Variants in ADAMTS6 observed in about 807,000 individuals in gnomAD.
ADAMTS6 encodes the protein A disintegrin and metalloproteinase with thrombospondin motifs 6.
In ADAMTS6, 23 loss-of-function variants were observed where a neutral mutation model predicts 144.3. That is an observed-to-expected ratio of 0.16 (90% CI 0.11 to 0.23). The LOEUF (loss-of-function observed/expected upper bound fraction) is 0.23. Ranked by LOEUF, ADAMTS6 falls within the 10% of genes least tolerant of loss-of-function variation. The probability of loss-of-function intolerance (pLI) is 1.00; values close to 1 mark genes in which losing one functional copy is unlikely to be tolerated. For missense variants in ADAMTS6, 999 were observed against 1,379.6 expected (o/e 0.72, Z 4.37); for synonymous variants, 444 against 457.5 (o/e 0.97, Z 0.38).
At chr5:65,399,890 C>T (rs6877731) in intron 7 of ADAMTS6, among the ~76,000 whole-genome samples, 8,410 of 152,140 alleles carry the variant, frequency 0.055, 293 homozygotes, top group East Asian at 0.1. Context: ...CCAAGTTTCT[C>T]ATCTATATTA....
At chr5:65,219,360 C>G (rs56385905) in intron 18 of ADAMTS6, among the ~76,000 whole-genome samples, 2 of 151,924 alleles carry the variant, frequency 1.3e-5, no homozygotes, top group African/African-American at 4.8e-5. Flanking sequence ...CCCCAACCCC[C>G]CCACCAAACT....
intron 9 of ADAMTS6, among the ~76,000 whole-genome samples, chr5:65,310,876 T>C (rs1355633067): frequency 2.0e-5 from 3 of 152,242 alleles, no homozygotes; most frequent in Admixed American, 2.0e-4. Context: ...GTGTTACTTT[T>C]CTTCATAACA....
intron 1 of ADAMTS6, among the ~76,000 whole-genome samples, chr5:65,479,826 G>T (rs1347571807): frequency 6.6e-6 from 1 of 152,164 alleles, no homozygotes; most frequent in Non-Finnish European, 1.5e-5. Context: ...CAGGCTAGAA[G>T]TTTTTCTTCT....
At chr5:65,281,290 C>A (rs1471733772) in intron 11 of ADAMTS6, among the ~76,000 whole-genome samples, 1 of 152,162 alleles carries the variant, frequency 6.6e-6, no homozygotes, top group Non-Finnish European at 1.5e-5. Flanking sequence ...TGAAAAATGT[C>A]ACTGGCCAAT....
chr5:65,435,195 C>T (rs573122070), intron 7 of ADAMTS6, among the ~76,000 whole-genome samples: 70 of 152,096 alleles, frequency 4.6e-4, no homozygotes, highest in East Asian at 1.4e-3. Context: ...AAAACATATT[C>T]TATGTATTGT....
intron 7 of ADAMTS6, among the ~76,000 whole-genome samples, chr5:65,441,927 G>A (rs1480269759): frequency 3.3e-5 from 5 of 151,448 alleles, no homozygotes; most frequent in African/African-American, 4.8e-5. Context: ...TGTGAGATGC[G>A]ATAAAGCTAT....
chr5:65,382,064 G>T (rs929243829), intron 7 of ADAMTS6, among the ~76,000 whole-genome samples: 1 of 152,134 alleles, frequency 6.6e-6, no homozygotes, highest in Non-Finnish European at 1.5e-5. Context: ...AATTATTTCA[G>T]CTAGACTTTT....
chr5:65,352,335 A>C (rs1382383187), intron 7 of ADAMTS6, among the ~76,000 whole-genome samples: 1 of 152,202 alleles, frequency 6.6e-6, no homozygotes, highest in Non-Finnish European at 1.5e-5. Flanking sequence ...AGAATGTCTC[A>C]AATTGACAAA....
intron 20 of ADAMTS6, among the ~76,000 whole-genome samples, chr5:65,209,760 C>T (rs1380678488): frequency 6.6e-6 from 1 of 152,182 alleles, no homozygotes; most frequent in Non-Finnish European, 1.5e-5. Flanking sequence ...TCTTTGAGAT[C>T]TTTCTTGTTT....
chr5:65,162,169 C>T (rs1752816330), intron 24 of ADAMTS6, among the ~76,000 whole-genome samples: 1 of 152,100 alleles, frequency 6.6e-6, no homozygotes, highest in Non-Finnish European at 1.5e-5. Context: ...AGTTTTGAAA[C>T]TTATTATACA....
chr5:65,297,873 A>C (rs1368615224), intron 10 of ADAMTS6, among the ~76,000 whole-genome samples: 2 of 152,168 alleles, frequency 1.3e-5, no homozygotes, highest in African/African-American at 4.8e-5. Context: ...TTTCATTAAT[A>C]GTTTTAACTT....
intron 21 of ADAMTS6, among the ~76,000 whole-genome samples, chr5:65,196,124 C>T (rs972537172): frequency 2.0e-5 from 3 of 152,190 alleles, no homozygotes; most frequent in African/African-American, 7.2e-5. Context: ...AAGTATACCT[C>T]TATGCCTGTA....
chr5:65,179,977 C>A (rs2112129636), intron 22 of ADAMTS6, among the ~76,000 whole-genome samples: 1 of 152,192 alleles, frequency 6.6e-6, no homozygotes, highest in Non-Finnish European at 1.5e-5. Flanking sequence ...CACACACACA[C>A]ACACATCCCC....
chr5:65,440,396 C>T (rs530235996), intron 7 of ADAMTS6, among the ~76,000 whole-genome samples: 2 of 152,092 alleles, frequency 1.3e-5, no homozygotes, highest in Admixed American at 6.6e-5. Context: ...CCTAAGATTG[C>T]CCCCAGCTTA....
At chr5:65,480,390 G>T (rs999248525) in intron 1 of ADAMTS6, among the ~76,000 whole-genome samples, 1 of 150,182 alleles carries the variant, frequency 6.7e-6, no homozygotes, top group Non-Finnish European at 1.5e-5. Context: ...TGATCCTAAA[G>T]TTAACATTCA....
intron 7 of ADAMTS6, among the ~76,000 whole-genome samples, chr5:65,336,051 C>T (rs1327587500): frequency 6.6e-6 from 1 of 151,996 alleles, no homozygotes; most frequent in Non-Finnish European, 1.5e-5. Flanking sequence ...TTCAGAGAGG[C>T]TGAAACATTG....
intron 7 of ADAMTS6, among the ~76,000 whole-genome samples, chr5:65,361,072 CCT>C (rs1374888386): frequency 6.6e-6 from 1 of 152,028 alleles, no homozygotes; most frequent in African/African-American, 2.4e-5. Context: ...GTAGCATGAA[CCT>C]CTCTTAGGAC....
At chr5:65,291,094 C>T (rs1476817375) in intron 11 of ADAMTS6, among the ~76,000 whole-genome samples, 1 of 152,074 alleles carries the variant, frequency 6.6e-6, no homozygotes, top group Non-Finnish European at 1.5e-5. Flanking sequence ...TTAAGAATTA[C>T]TAAAATTCTA....
intron 7 of ADAMTS6, among the ~76,000 whole-genome samples, chr5:65,397,350 G>A (rs1333191193): frequency 1.3e-5 from 2 of 151,322 alleles, no homozygotes; most frequent in African/African-American, 2.4e-5. Flanking sequence ...ATTTTCTTCT[G>A]CTTACTTTGA....
Sources: allele counts gnomAD v4.1 joint callset (sites outside exome capture counted in the v4.1 genomes callset), GRCh38; gene constraint gnomAD v4.1.1; transcripts MANE v1.5; gene names NCBI Gene and HGNC (gene_info 2026-07-23, HGNC 2026-07-21).